Variants in ARHGAP6 observed in about 807,000 individuals in gnomAD.
The protein encoded by ARHGAP6 is rho GTPase-activating protein 6.
ARHGAP6 carries 16 observed loss-of-function variants against 55.7 expected under a neutral mutation model. That is an observed-to-expected ratio of 0.29 (90% CI 0.19 to 0.44). The LOEUF (loss-of-function observed/expected upper bound fraction) is 0.44, where lower values mean the gene tolerates loss of function less well. ARHGAP6 is among the 20% of genes least tolerant of loss of function. The pLI is 1.00. For missense variants in ARHGAP6, 698 were observed against 808.9 expected, an observed-to-expected ratio of 0.86 and a Z score of 1.66; for synonymous variants, 382 against 360.9, an observed-to-expected ratio of 1.06 and a Z score of -0.66.
chrX:11,252,208 A>C (rs2047432643), intron 2 of ARHGAP6, among the ~76,000 whole-genome samples: 1 of 112,665 alleles, frequency 8.9e-6, no homozygotes, highest in Non-Finnish European at 1.9e-5. Flanking sequence ...TGGATTTAAA[A>C]ACAAAGCCAC....
chrX:11,315,045 T>C (rs1024881722), intron 1 of ARHGAP6, among the ~76,000 whole-genome samples: 4 of 112,473 alleles, frequency 3.6e-5, no homozygotes, highest in Non-Finnish European at 7.5e-5. Flanking sequence ...AAAAATATCT[T>C]TTGTTAGCCT....
intron 1 of ARHGAP6, among the ~76,000 whole-genome samples, chrX:11,560,464 C>A (rs2051373578): frequency 8.9e-6 from 1 of 112,132 alleles, no homozygotes; most frequent in African/African-American, 3.2e-5. Flanking sequence ...GAGGGAAAAG[C>A]CTATGTAGGA....
chrX:11,180,052 A>G (rs911927056), intron 6 of ARHGAP6, among the ~76,000 whole-genome samples: 1 of 110,564 alleles, frequency 9.0e-6, no homozygotes, highest in South Asian at 3.8e-4. Context: ...AAGAGCCCTG[A>G]TAACACATTT....
At position 11,196,908 on chromosome X, in the gene ARHGAP6, G is replaced by T; in HGVS notation, c.820+17C>A. 1 of 932,425 alleles carries T rather than the reference G, an allele frequency of 1.1e-6. No homozygotes were observed. Among genetic ancestry groups the T allele is most frequent in the Non-Finnish European group, 1.5e-6 (1 of 645,228 alleles). The allele number at this position is 932,425 out of a possible 1,213,427, so 76.8% of individuals were successfully genotyped here. ...CTCCATGGAAGATGCATTTACATTG[G>T]GTACTTTACCCTTTACCTTTGTCTT... On this transcript the variant is annotated intron_variant, in intron 3 of 12. Transcript: ENST00000337414.
At chrX:11,417,101 TATATAC>T (rs1277780121) in intron 1 of ARHGAP6, among the ~76,000 whole-genome samples, 3 of 79,213 alleles carry the variant, frequency 3.8e-5, no homozygotes, top group Admixed American at 1.4e-4. Flanking sequence ...TATATATATA[TATATAC>T]ACATACATAT....
chrX:11,260,049 C>T (rs911601617), intron 1 of ARHGAP6, among the ~76,000 whole-genome samples: 2 of 110,476 alleles, frequency 1.8e-5, no homozygotes, highest in South Asian at 3.9e-4. Context: ...GAGGCAGAAG[C>T]GAGACAAAAA....
chrX:11,364,407 G>A (rs1301296109), intron 1 of ARHGAP6, among the ~76,000 whole-genome samples: 1 of 108,815 alleles, frequency 9.2e-6, no homozygotes, highest in East Asian at 2.9e-4. Context: ...TTAGCCATGT[G>A]ACCTTGGAAA....
rs2048888790 is a variant in ARHGAP6, at chrX:11,353,574, G to A, written c.589-98867C>T. The stretch of plus-strand genomic sequence containing the variant: ...AGTGTGTGTGTGTGTGTGTGTGTGT[G>A]TGTGTGTGTGTGTGTGTGTGTGTAT... On this transcript the variant is annotated intron_variant, in intron 1 of 12. Transcript: ENST00000337414. 6.7e-5 allele frequency among the ~76,000 whole-genome samples: 7 copies of A among 105,005 alleles called. No homozygotes were observed. The South Asian group carries it at 3.0e-3, about 45-fold the overall frequency. 91.2% of individuals were successfully genotyped at this position (105,005 alleles called of 115,157 possible).
intron 1 of ARHGAP6, among the ~76,000 whole-genome samples, chrX:11,304,052 T>C (rs1398024841): frequency 1.8e-5 from 2 of 110,841 alleles, no homozygotes; most frequent in African/African-American, 6.6e-5. Context: ...GGATATGACA[T>C]GGAAGTTTTT....
intron 1 of ARHGAP6, among the ~76,000 whole-genome samples, chrX:11,619,664 C>T (rs897129683): frequency 1.8e-5 from 2 of 111,928 alleles, no homozygotes; most frequent in African/African-American, 6.5e-5. Flanking sequence ...CTGTGTGTGA[C>T]AAAGAGTAGG....
intron 1 of ARHGAP6, among the ~76,000 whole-genome samples, chrX:11,580,959 G>A (rs767822850): frequency 4.5e-5 from 5 of 112,297 alleles, no homozygotes; most frequent in African/African-American, 1.3e-4. Flanking sequence ...TACACTCTTA[G>A]GTTCCCCAAG....
intron 1 of ARHGAP6, among the ~76,000 whole-genome samples, chrX:11,330,339 A>G (rs2048547276): frequency 8.9e-6 from 1 of 112,876 alleles, no homozygotes; most frequent in South Asian, 3.6e-4. Flanking sequence ...TTTGGGATGT[A>G]TATGTTAATC....
At chrX:11,217,002 G>C (rs1274421804) in intron 2 of ARHGAP6, among the ~76,000 whole-genome samples, 3 of 111,437 alleles carry the variant, frequency 2.7e-5, no homozygotes, top group South Asian at 3.8e-4. Context: ...TGCTGAGAAT[G>C]ATGGTTTCCA....
At chrX:11,574,919 C>T (rs2147112104) in intron 1 of ARHGAP6, among the ~76,000 whole-genome samples, 1 of 111,655 alleles carries the variant, frequency 9.0e-6, no homozygotes, top group Non-Finnish European at 1.9e-5. Flanking sequence ...CAATCCCTCT[C>T]ATCTGTACCA....
intron 1 of ARHGAP6, among the ~76,000 whole-genome samples, chrX:11,585,666 G>A (rs1228033194): frequency 8.9e-6 from 1 of 112,051 alleles, no homozygotes; most frequent in Non-Finnish European, 1.9e-5. Context: ...ATAGATGTTG[G>A]ATATTAGACC....
Position 11,340,920 on chromosome X carries a change from T to C in ARHGAP6, c.589-86213A>G, listed in dbSNP as rs747389047. On this transcript the variant is annotated intron_variant, in intron 1 of 12. Coordinates refer to ENST00000337414, the MANE Select transcript of ARHGAP6 (RefSeq NM_013427.3). ...CTAAAATGGAGCTCAGCATAGATTA[T>C]CAATAAACGGTTGTTGCATGAATGG... is the stretch of plus-strand genomic sequence containing the variant. 3.6e-3 allele frequency among the ~76,000 whole-genome samples: 403 copies of C among 110,592 alleles called. 1 individual carries two copies. The highest frequency in any genetic ancestry group is 0.014 in the Middle Eastern group (3 of 217).
chrX:11,472,643 T>C (rs1308897836), intron 1 of ARHGAP6, among the ~76,000 whole-genome samples: 1 of 111,881 alleles, frequency 8.9e-6, no homozygotes, highest in East Asian at 2.8e-4. Context: ...GAAAAGATGA[T>C]TCAGTTGCTC....
At chrX:11,256,589 G>T (rs918782446) in intron 1 of ARHGAP6, among the ~76,000 whole-genome samples, 2 of 111,182 alleles carry the variant, frequency 1.8e-5, no homozygotes, top group Non-Finnish European at 3.8e-5. Context: ...TTTAATACAT[G>T]AATATATTAT....
chrX:11,448,809 C>T (rs894496202), intron 1 of ARHGAP6, among the ~76,000 whole-genome samples: 2 of 111,238 alleles, frequency 1.8e-5, no homozygotes, highest in Non-Finnish European at 3.8e-5. Context: ...GCTCCCTGGA[C>T]ACCCCTGCAT....
Sources: allele counts gnomAD v4.1 joint callset (sites outside exome capture counted in the v4.1 genomes callset), GRCh38; gene constraint gnomAD v4.1.1; transcripts MANE v1.5; gene names NCBI Gene and HGNC (gene_info 2026-07-23, HGNC 2026-07-21).